The following UBE2QL1 variants were observed in gnomAD, a reference collection of about 807,000 sequenced individuals.
UBE2QL1 encodes ubiquitin-conjugating enzyme E2Q-like protein 1.
Under a neutral mutation model 12.6 loss-of-function variants are expected in UBE2QL1, and 5 were observed. The ratio of observed to expected loss-of-function variants is 0.40; its 90% CI spans 0.21 to 0.83. The LOEUF is 0.83. UBE2QL1 is among the 40% of genes least tolerant of loss of function. The probability of loss-of-function intolerance (pLI) is 0.37; values close to 1 mark genes in which losing one functional copy is unlikely to be tolerated. For synonymous variants in UBE2QL1, 96 were observed against 94.5 expected (o/e 1.02, Z -0.10); for missense variants, 99 against 222.6 (o/e 0.44, Z 3.53).
Position 6,494,822 on chromosome 5 carries a change from G to A in UBE2QL1, c.*3473G>A, listed in dbSNP as rs1734639474. 1.3e-5 allele frequency: 2 copies of A among 152,012 alleles called. No individual in the cohort carries two copies. The highest frequency in any genetic ancestry group is 4.8e-5 in the African/African-American group (2 of 41,362). 9.4% of individuals were successfully genotyped at this position (152,012 alleles called of 1,614,324 possible). A position where few individuals can be genotyped will look rare whatever the true frequency, so the allele number is the denominator to read the frequency against. On this transcript the variant is annotated 3_prime_UTR_variant, in exon 2 of 2. Coordinates refer to ENST00000399816, the MANE Select transcript of UBE2QL1 (RefSeq NM_001145161.3). The stretch of plus-strand genomic sequence containing the variant: ...CCCAAAAATCAACCAATAACTAACT[G>A]GCCATCTCTCCACTCACTCAGCATT...
chr5:6,476,836 A>G lies in UBE2QL1; in HGVS notation c.355-14382A>G, dbSNP rs971743847. On this transcript the variant is annotated intron_variant, in intron 1 of 1. Transcript: ENST00000399816. This position sits in a 1 kb window ranked among gnomAD's most constrained non-coding sequence, Gnocchi z 4.9. The stretch of plus-strand genomic sequence containing the variant: ...TCACTGGACACTAGCTGCCACCAAT[A>G]ATGATTTGCCATTCACAAGGACAGG... Among the ~76,000 whole-genome samples the G allele has an allele frequency of 6.6e-6, 1 of 152,142 alleles. No individual in the cohort carries two copies. The highest frequency in any genetic ancestry group is 2.4e-5 in the African/African-American group (1 of 41,442).
chr5:6,479,050 G>A lies in UBE2QL1; in HGVS notation c.355-12168G>A, dbSNP rs1162897526. 6.6e-6 allele frequency among the ~76,000 whole-genome samples: 1 copy of A among 152,126 alleles called. No homozygotes were observed. Among genetic ancestry groups the A allele is most frequent in the African/African-American group, 2.4e-5 (1 of 41,422 alleles). ...CTATCGTGTGCAGCATCAGGAGTCT[G>A]TTGGATCCCCAGTGCCTCATCCTGA... On this transcript the variant is annotated intron_variant, in intron 1 of 1. Transcript: ENST00000399816. This position sits in a 1 kb window ranked among gnomAD's most constrained non-coding sequence, Gnocchi z 4.2.
At chr5:6,468,993 C>T (rs1484460875) in intron 1 of UBE2QL1, among the ~76,000 whole-genome samples, 1 of 152,240 alleles carries the variant, frequency 6.6e-6, no homozygotes, top group African/African-American at 2.4e-5. Flanking sequence ...CTTCATGATT[C>T]CTGCAGAGGC....
At chr5:6,461,061 T>G (rs1441262863) in intron 1 of UBE2QL1, among the ~76,000 whole-genome samples, 1 of 152,230 alleles carries the variant, frequency 6.6e-6, no homozygotes, top group East Asian at 1.9e-4. Flanking sequence ...TCCTTTCTAA[T>G]ATTAATACTT....
At chr5:6,466,473 TC>T (rs1267575139) in intron 1 of UBE2QL1, among the ~76,000 whole-genome samples, 2 of 152,060 alleles carry the variant, frequency 1.3e-5, no homozygotes, top group Non-Finnish European at 2.9e-5. Flanking sequence ...GGCTGGACGC[TC>T]CCCCAGGTGG....
chr5:6,491,228 G>A lies in UBE2QL1; in HGVS notation c.365G>A (p.Cys122Tyr). 6.4e-7 allele frequency: 1 copy of A among 1,550,760 alleles called. No homozygotes were observed. Among genetic ancestry groups the A allele is most frequent in the South Asian group, 1.2e-5 (1 of 83,846 alleles). ...ASLVKGQGRI[C>Y]RKAGKSKKSF... The stretch of plus-strand genomic sequence containing the variant: ...TCTCATCTCACGCAGGGACGGATCT[G>A]TAGAAAAGCTGGCAAATCAAAAAAG... Residue 122 changes from cysteine (C) to tyrosine (Y), a missense_variant, in exon 2 of 2, where the codon TGT becomes TAT. Cys to Tyr is a radical substitution (Grantham distance 194). Coordinates refer to ENST00000399816, the MANE Select transcript of UBE2QL1 (RefSeq NM_001145161.3).
chr5:6,484,196 A>G (rs1231670829), intron 1 of UBE2QL1, among the ~76,000 whole-genome samples: 1 of 152,222 alleles, frequency 6.6e-6, no homozygotes, highest in African/African-American at 2.4e-5. Context: ...AGTGAAACCC[A>G]ACAGGGAGCG....
At chr5:6,460,602 T>C (rs1254226859) in intron 1 of UBE2QL1, among the ~76,000 whole-genome samples, 1 of 152,200 alleles carries the variant, frequency 6.6e-6, no homozygotes, top group East Asian at 1.9e-4. Context: ...TTTTGCACCA[T>C]CAGGGGCTGA....
At chr5:6,466,259 A>G (rs1200450628) in intron 1 of UBE2QL1, among the ~76,000 whole-genome samples, 5 of 152,160 alleles carry the variant, frequency 3.3e-5, no homozygotes, top group Non-Finnish European at 4.4e-5. Context: ...GGCAGCCATC[A>G]TGGGGAGCGA....
chr5:6,495,537 A>C lies in UBE2QL1; in HGVS notation c.*4188A>C, dbSNP rs1734651730. 6.6e-6 allele frequency among the ~76,000 whole-genome samples: 1 copy of C among 152,140 alleles called. No homozygotes were observed. The highest frequency in any genetic ancestry group is 6.5e-5 in the Admixed American group (1 of 15,276). ...GCTTTCTGATCCTTTATGTTGCTTC[A>C]TGAGACTATTAGGCAATTCATGTGG... is the stretch of plus-strand genomic sequence containing the variant. On this transcript the variant is annotated 3_prime_UTR_variant, in exon 2 of 2. Transcript: ENST00000399816.
chr5:6,495,763 TA>T lies in UBE2QL1; in HGVS notation c.*4416del, dbSNP rs1208733610. ...CTATGGGACTGTAGTCAGAACTTTG[TA>T]ATTTTTTTCTCCAAAGACAGTGAAA... On this transcript the variant is annotated 3_prime_UTR_variant, in exon 2 of 2. Transcript: ENST00000399816. 6.6e-6 allele frequency among the ~76,000 whole-genome samples: 1 copy of T among 152,232 alleles called. No homozygotes were observed. The highest frequency in any genetic ancestry group is 2.4e-5 in the African/African-American group (1 of 41,458).
intron 1 of UBE2QL1, among the ~76,000 whole-genome samples, chr5:6,468,042 T>A (rs1739834370): frequency 6.6e-6 from 1 of 152,194 alleles, no homozygotes; most frequent in Non-Finnish European, 1.5e-5. Flanking sequence ...CCATCTTCTT[T>A]GGCACTTTTC....
intron 1 of UBE2QL1, among the ~76,000 whole-genome samples, chr5:6,470,526 G>T (rs1739889949): frequency 6.6e-6 from 1 of 151,650 alleles, no homozygotes; most frequent in African/African-American, 2.4e-5. Flanking sequence ...ACACACACGT[G>T]TGCACACACA....
intron 1 of UBE2QL1, among the ~76,000 whole-genome samples, chr5:6,465,565 C>T (rs1739767535): frequency 6.6e-6 from 1 of 152,198 alleles, no homozygotes; most frequent in African/African-American, 2.4e-5. Context: ...TTTCCACTCC[C>T]CAGTGCCTGG....
chr5:6,451,010 C>CTTGG (rs1290398182), intron 1 of UBE2QL1, among the ~76,000 whole-genome samples: 1 of 152,110 alleles, frequency 6.6e-6, no homozygotes, highest in Admixed American at 6.5e-5. Flanking sequence ...GCAGAAATGC[C>CTTGG]TTGGTTATTT....
At chr5:6,466,374 T>C (rs1739793769) in intron 1 of UBE2QL1, among the ~76,000 whole-genome samples, 1 of 152,060 alleles carries the variant, frequency 6.6e-6, no homozygotes, top group East Asian at 1.9e-4. Flanking sequence ...TCCCACAGCC[T>C]CTCCCCTTCC....
intron 1 of UBE2QL1, among the ~76,000 whole-genome samples, chr5:6,455,480 G>T (rs1238470161): frequency 6.6e-6 from 1 of 152,154 alleles, no homozygotes; most frequent in African/African-American, 2.4e-5. Context: ...GATGTAGTCG[G>T]GAGGGGAGAG....
rs577169760 is a variant in UBE2QL1, at chr5:6,479,206, G to A, written c.355-12012G>A. Among the ~76,000 whole-genome samples, 11 of 152,188 alleles carry A rather than the reference G, an allele frequency of 7.2e-5. No homozygotes were observed. Among genetic ancestry groups the A allele is most frequent in the Admixed American group, 3.3e-4 (5 of 15,292 alleles). On this transcript the variant is annotated intron_variant, in intron 1 of 1. Transcript: ENST00000399816. This position sits in a 1 kb window ranked among gnomAD's most constrained non-coding sequence, Gnocchi z 4.2. ...GGGCGAAAGTGAGAATTAAGCCACCGAGAATGGGTGGGCTGAGATAGCGAT... is the reference window on the plus strand; with the variant it reads ...GGGCGAAAGTGAGAATTAAGCCACCAAGAATGGGTGGGCTGAGATAGCGAT...
At chr5:6,485,605 A>G (rs1244718412) in intron 1 of UBE2QL1, among the ~76,000 whole-genome samples, 2 of 152,228 alleles carry the variant, frequency 1.3e-5, no homozygotes, top group Non-Finnish European at 2.9e-5. Flanking sequence ...GAGTGCTTTT[A>G]GACTGACAAT....
Sources: allele counts gnomAD v4.1 joint callset (sites outside exome capture counted in the v4.1 genomes callset), GRCh38; gene constraint gnomAD v4.1.1; non-coding constraint Gnocchi (gnomAD v3.1); transcripts MANE v1.5; gene names NCBI Gene and HGNC (gene_info 2026-07-23, HGNC 2026-07-21).